The following CTNNA1 variants were observed in gnomAD, a reference collection of about 807,000 sequenced individuals.
CTNNA1 encodes the protein catenin alpha-1.
CTNNA1 carries 37 observed loss-of-function variants against 98.4 expected under a neutral mutation model. The ratio of observed to expected loss-of-function variants is 0.38; its 90% confidence interval spans 0.29 to 0.49. The LOEUF is 0.49. Ranked by LOEUF, CTNNA1 falls within the 20% of genes least tolerant of loss-of-function variation. The pLI, the probability that CTNNA1 is intolerant of heterozygous loss-of-function variation, is 0.95. For missense variants in CTNNA1, 761 were observed against 1,147.2 expected, an observed-to-expected ratio of 0.66 and a Z score of 4.86; for synonymous variants, 404 against 413.2, an observed-to-expected ratio of 0.98 and a Z score of 0.27.
intron 7 of CTNNA1, among the ~76,000 whole-genome samples, chr5:138,879,565 T>G (rs1182864288): frequency 6.6e-6 from 1 of 152,084 alleles, no homozygotes; most frequent in Non-Finnish European, 1.5e-5. Flanking sequence ...AACTCCTGGT[T>G]CAAGTGATCC....
intron 16 of CTNNA1, chr5:138,931,996 G>C: frequency 8.1e-6 from 8 of 985,566 alleles, no homozygotes; most frequent in Non-Finnish European, 9.6e-6. Context: ...CAGGAACTGG[G>C]CAGGGGCCAC....
At chr5:138,880,201 C>T (rs999982458) in intron 7 of CTNNA1, 1 of 152,232 alleles carries the variant, frequency 6.6e-6, no homozygotes, top group Non-Finnish European at 1.5e-5. Flanking sequence ...CAAGGTCTCA[C>T]TGTGTTGCCC....
chr5:138,766,245 A>T (rs1165360070), intron 1 of CTNNA1, among the ~76,000 whole-genome samples: 1 of 152,092 alleles, frequency 6.6e-6, no homozygotes. Context: ...CTTGAAGGAA[A>T]ATTGTAGCTT....
intron 3 of CTNNA1, among the ~76,000 whole-genome samples, chr5:138,804,058 AT>A (rs1316851443): frequency 2.0e-5 from 3 of 152,212 alleles, no homozygotes; most frequent in Non-Finnish European, 4.4e-5. Context: ...AGAATTAATC[AT>A]TTCTACCAAC....
At position 138,762,661 on chromosome 5, in the gene CTNNA1, G is replaced by A. The variant is rs533146580; in HGVS notation, c.-3+9151G>A. 4.5e-4 allele frequency among the ~76,000 whole-genome samples: 68 copies of A among 151,328 alleles called. 1 individual carries two copies. Among genetic ancestry groups the A allele is most frequent in the Middle Eastern group, 6.8e-3 (2 of 292 alleles). On this transcript the variant is annotated intron_variant, in intron 1 of 17. Coordinates refer to ENST00000302763, the MANE Select transcript of CTNNA1 (RefSeq NM_001903.5). ...TTGTGGTTTTTTTTTTTTACCAGCTGTAAGTTTGGAGTAATGCATGTAATG... is the reference window on the plus strand; with the variant it reads ...TTGTGGTTTTTTTTTTTTACCAGCTATAAGTTTGGAGTAATGCATGTAATG...
intron 7 of CTNNA1, among the ~76,000 whole-genome samples, chr5:138,831,260 A>C (rs910934876): frequency 6.6e-6 from 1 of 152,224 alleles, no homozygotes; most frequent in African/African-American, 2.4e-5. Flanking sequence ...TTGGATGCAC[A>C]TTACAGTCCT....
intron 10 of CTNNA1, among the ~76,000 whole-genome samples, chr5:138,916,726 G>A (rs999174090): frequency 2.0e-5 from 3 of 148,904 alleles, no homozygotes; most frequent in Non-Finnish European, 4.5e-5. Flanking sequence ...GTCTCACTAT[G>A]TTATCCAGGC....
intron 7 of CTNNA1, chr5:138,870,756 C>T (rs1033083411): frequency 3.9e-5 from 6 of 152,202 alleles, no homozygotes; most frequent in African/African-American, 1.4e-4. Flanking sequence ...TGACAAATGG[C>T]AATGGTCATC....
At chr5:138,930,809 T>C in intron 15 of CTNNA1, 21 bp from the exon 16 acceptor site, 1 of 1,564,014 alleles carries the variant, frequency 6.4e-7, no homozygotes, top group Non-Finnish European at 8.8e-7. Flanking sequence ...CAATAATCCT[T>C]GTTCTCTTCC....
intron 7 of CTNNA1, among the ~76,000 whole-genome samples, chr5:138,858,599 T>TC (rs57689177): frequency 0.048 from 6,531 of 136,234 alleles, 207 homozygotes; most frequent in Non-Finnish European, 0.068. Context: ...TTTTTCTTTT[T>TC]TTTTTTTTTT....
intron 7 of CTNNA1, chr5:138,872,996 A>G (rs773742204): frequency 6.4e-7 from 1 of 1,551,682 alleles, no homozygotes; most frequent in South Asian, 1.2e-5. Flanking sequence ...GTGATTTTTG[A>G]TGATGGGTAG....
rs1433650501 is a variant in CTNNA1, at chr5:138,924,504, C to T, written c.1547-6C>T. On this transcript the variant is annotated splice_region_variant and splice_polypyrimidine_tract_variant and intron_variant, in intron 11 of 17. Transcript: ENST00000302763. ...TTCCTCATTCAACTTTTTGCTTGTTCTCCAGAGAATCACATTTTGGAAGAT... is the reference window on the plus strand; with the variant it reads ...TTCCTCATTCAACTTTTTGCTTGTTTTCCAGAGAATCACATTTTGGAAGAT... 4 of 1,613,624 alleles carry T rather than the reference C, an allele frequency of 2.5e-6. No homozygotes were observed. Among genetic ancestry groups the T allele is most frequent in the Non-Finnish European group, 3.4e-6 (4 of 1,179,914 alleles).
chr5:138,930,577 G>A lies in CTNNA1; in HGVS notation c.2115G>A (p.Trp705Ter), dbSNP rs1476911901. The A allele has an allele frequency of 6.2e-7, 1 of 1,613,910 alleles. No individual in the cohort carries two copies. The highest frequency in any genetic ancestry group is 8.5e-7 in the Non-Finnish European group (1 of 1,180,000). The change falls in exon 15 of 18, where the codon TGG (tryptophan) becomes TGA (stop). Residue 705 changes from tryptophan (W) to a stop codon, truncating the protein, a stop_gained. Transcript: ENST00000302763. LOFTEE classifies it high-confidence loss of function. Reference sequence around the variant, plus strand: ...AGCTGGATGCTGAAGTGTCCAAATGGGACGACAGTGGCAATGACATCATTG... The same window carrying A: ...AGCTGGATGCTGAAGTGTCCAAATGAGACGACAGTGGCAATGACATCATTG... Reference protein sequence around the residue: ...KSKLDAEVSKWDDSGNDIIVL... With the variant: ...KSKLDAEVSK
At chr5:138,802,893 GC>G (rs895523907) in intron 3 of CTNNA1, among the ~76,000 whole-genome samples, 16 of 152,058 alleles carry the variant, frequency 1.1e-4, no homozygotes, top group African/African-American at 3.1e-4. Flanking sequence ...GACCTCGTGT[GC>G]TTAAGTGATC....
chr5:138,883,279 A>C (rs1753342932), intron 7 of CTNNA1, among the ~76,000 whole-genome samples: 1 of 152,128 alleles, frequency 6.6e-6, no homozygotes, highest in African/African-American at 2.4e-5. Flanking sequence ...TGGTACCCTA[A>C]ACTTGCTATT....
intron 7 of CTNNA1, among the ~76,000 whole-genome samples, chr5:138,867,225 G>T (rs934519915): frequency 1.3e-5 from 2 of 152,156 alleles, no homozygotes; most frequent in African/African-American, 4.8e-5. Context: ...TCCTGCTTCT[G>T]CCCTGGTTAC....
At chr5:138,768,931 G>A in intron 1 of CTNNA1, among the ~76,000 whole-genome samples, 1 of 152,006 alleles carries the variant, frequency 6.6e-6, no homozygotes, top group Non-Finnish European at 1.5e-5. Context: ...CATCTAGCAG[G>A]ATCTGACATC....
chr5:138,816,109 T>G (rs975420906), intron 5 of CTNNA1, among the ~76,000 whole-genome samples: 1 of 152,250 alleles, frequency 6.6e-6, no homozygotes, highest in Non-Finnish European at 1.5e-5. Context: ...AGTCAACTTC[T>G]TAAGCTTCCA....
intron 1 of CTNNA1, among the ~76,000 whole-genome samples, chr5:138,774,451 C>T (rs1008393182): frequency 6.6e-6 from 1 of 152,088 alleles, no homozygotes; most frequent in Admixed American, 6.5e-5. Flanking sequence ...GTCAGATGGT[C>T]TGGAAACCCT....
Sources: allele counts gnomAD v4.1 joint callset (sites outside exome capture counted in the v4.1 genomes callset), GRCh38; gene constraint gnomAD v4.1.1; transcripts MANE v1.5; gene names NCBI Gene and HGNC (gene_info 2026-07-23, HGNC 2026-07-21).